FGD3: variants seen among roughly 807,000 people sequenced by gnomAD.
The protein encoded by FGD3 is FYVE, RhoGEF and PH domain-containing protein 3.
Under a neutral mutation model 71.8 loss-of-function variants are expected in FGD3, and 45 were observed. The ratio of observed to expected loss-of-function variants is 0.63; its 90% confidence interval spans 0.49 to 0.80. The LOEUF is 0.80. Among genes scored for constraint, FGD3 ranks in the 30% least tolerant of loss-of-function variants. FGD3 has a pLI of 0.00. For synonymous variants in FGD3, 378 were observed against 392.8 expected, an observed-to-expected ratio of 0.96 and a Z score of 0.44; for missense variants, 844 against 951.5, an observed-to-expected ratio of 0.89 and a Z score of 1.49.
At chr9:92,976,823 G>C (rs1287229782) in intron 3 of FGD3, 114 bp downstream of exon 3, 7 of 1,193,022 alleles carry the variant, frequency 5.9e-6, no homozygotes, top group Admixed American at 5.8e-5. Flanking sequence ...TGGCACACAG[G>C]CTCGTGCTGT....
At chr9:92,971,566 C>CTTTTTTTTTTTTTTTTTTTTTTTTTTTT (rs869043960) in intron 1 of FGD3, among the ~76,000 whole-genome samples, 1 of 39,570 alleles carries the variant, frequency 2.5e-5, no homozygotes. Context: ...CTTTTCTTTT[C>CTTTTTTTTTTTTTTTTTTTTTTTTTTTT]TTTTTTTTTT....
intron 3 of FGD3, among the ~76,000 whole-genome samples, chr9:93,001,206 G>A (rs936694570): frequency 6.6e-6 from 1 of 151,836 alleles, no homozygotes; most frequent in Non-Finnish European, 1.5e-5. Context: ...TTTTTTTAAA[G>A]TCATCTATCT....
chr9:93,031,975 C>T (rs909898057), intron 15 of FGD3, among the ~76,000 whole-genome samples: 1 of 152,100 alleles, frequency 6.6e-6, no homozygotes. Context: ...TGGGAGTGTC[C>T]AGGGTAGGAA....
chr9:93,022,368 A>T lies in FGD3; in HGVS notation c.1536A>T (p.Glu512Asp). 1 of 1,612,772 alleles carries T rather than the reference A, an allele frequency of 6.2e-7. No individual in the cohort carries two copies. The highest frequency in any genetic ancestry group is 8.5e-7 in the Non-Finnish European group (1 of 1,179,502). ...TSPVEPVVTT[E>D]GSSGAAGLEP... is the part of the protein sequence containing the mutation. ...CTGTGGAGCCTGTGGTGACCACCGA[A>T]GGCAGTTCGGGTGCAGCAGGGGTAA... The change falls in exon 14 of 18, where the codon GAA becomes GAT. Residue 512 changes from glutamate (E) to aspartate (D), a missense_variant. By Grantham distance (45) the Glu-to-Asp change is conservative (BLOSUM62 2). Coordinates refer to ENST00000375482, the MANE Select transcript of FGD3 (RefSeq NM_001083536.2).
intron 3 of FGD3, among the ~76,000 whole-genome samples, chr9:92,998,375 C>CT (rs1379310646): frequency 1.3e-5 from 2 of 152,082 alleles, no homozygotes; most frequent in Non-Finnish European, 2.9e-5. Context: ...TTCGTCTAAC[C>CT]TTTTTTCAAG....
chr9:92,990,225 C>T (rs2118642904), intron 3 of FGD3, among the ~76,000 whole-genome samples: 1 of 152,050 alleles, frequency 6.6e-6, no homozygotes, highest in East Asian at 1.9e-4. Flanking sequence ...ACTGCTTGAG[C>T]CAAGGAATTC....
intron 3 of FGD3, among the ~76,000 whole-genome samples, chr9:92,982,044 T>C (rs1860019081): frequency 6.6e-6 from 1 of 152,220 alleles, no homozygotes; most frequent in South Asian, 2.1e-4. Flanking sequence ...TTGTTAACAA[T>C]AGTCCTTCTA....
chr9:93,006,727 T>G (rs1445250841), intron 6 of FGD3, among the ~76,000 whole-genome samples: 2 of 151,988 alleles, frequency 1.3e-5, no homozygotes, highest in Non-Finnish European at 2.9e-5. Flanking sequence ...TTTATTTTTT[T>G]ATTTTATTTT....
At position 93,006,085 on chromosome 9, in the gene FGD3, G is replaced by C. The variant is rs375810720; in HGVS notation, c.742G>C (p.Gly248Arg). ...QKLAPFLKMY[G>R]EYVKNFDRAV... ...GCTGGCCCCATTCCTGAAGATGTAC[G>C]GCGAGTATGTCAAGAACTTTGACCG... is the stretch of plus-strand genomic sequence containing the variant. The change falls in exon 6 of 18, where the codon GGC (glycine) becomes CGC (arginine). Residue 248 changes from glycine to arginine, a missense_variant. Physicochemically the swap from Gly to Arg is moderately radical, Grantham distance 125 (BLOSUM62 -2). Coordinates refer to ENST00000375482, the MANE Select transcript of FGD3 (RefSeq NM_001083536.2). 4.0e-5 allele frequency: 64 copies of C among 1,613,202 alleles called. No homozygotes were observed. Among genetic ancestry groups the C allele is most frequent in the Non-Finnish European group, 5.2e-5 (61 of 1,179,688 alleles).
At chr9:92,963,702 A>T (rs2118524955) in intron 1 of FGD3, among the ~76,000 whole-genome samples, 1 of 152,324 alleles carries the variant, frequency 6.6e-6, no homozygotes, top group Non-Finnish European at 1.5e-5. Context: ...TGGTGTTATT[A>T]TTTATTGATT....
chr9:92,968,978 C>T (rs1305383750), intron 1 of FGD3, among the ~76,000 whole-genome samples: 3 of 152,216 alleles, frequency 2.0e-5, no homozygotes. Flanking sequence ...GCCTTGCTCA[C>T]TGTGGGTGGC....
intron 3 of FGD3, among the ~76,000 whole-genome samples, chr9:92,989,634 G>A (rs1263515767): frequency 6.6e-6 from 1 of 152,204 alleles, no homozygotes; most frequent in Non-Finnish European, 1.5e-5. Context: ...CTGGAGGGGA[G>A]AAAGGGAAGG....
In FGD3 at chr9:92,976,505, C is replaced by T; in HGVS notation, c.249C>T (p.Ser83=). The change falls in exon 3 of 18, where the codon TCC becomes TCT. Residue 83 remains serine, a synonymous_variant. Transcript: ENST00000375482. ...NRDSGIDSPS[S]SVAGENFPCE... Reference sequence around the variant, plus strand: ...ACAGCGGGATCGACAGTCCCTCCTCCAGTGTGGCTGGAGAGAACTTTCCCT... The same window carrying T: ...ACAGCGGGATCGACAGTCCCTCCTCTAGTGTGGCTGGAGAGAACTTTCCCT... 1.2e-6 allele frequency: 2 copies of T among 1,612,518 alleles called. No individual in the cohort carries two copies. Among genetic ancestry groups the T allele is most frequent in the Non-Finnish European group, 1.7e-6 (2 of 1,179,756 alleles).
At chr9:93,007,204 C>T (rs1196621466) in intron 6 of FGD3, among the ~76,000 whole-genome samples, 1 of 151,900 alleles carries the variant, frequency 6.6e-6, no homozygotes, top group African/African-American at 2.4e-5. Context: ...CATTCTCCTG[C>T]CTCAGCCTCC....
chr9:93,030,415 T>C (rs1232793092), intron 15 of FGD3, among the ~76,000 whole-genome samples: 6 of 152,132 alleles, frequency 3.9e-5, no homozygotes, highest in African/African-American at 1.4e-4. Context: ...GGTGGGCCCA[T>C]GTGATGAGGC....
At position 92,976,617 on chromosome 9, in the gene FGD3, A is replaced by T; in HGVS notation, c.361A>T (p.Thr121Ser). The part of the protein sequence containing the change: ...MALDSQVPKV[T>S]PQEEADSDVG... ...CCTGGACAGCCAGGTCCCGAAGGTC[A>T]CCCCCCAGGAGGAGGCGGACAGCGA... Residue 121 changes from threonine to serine, a missense_variant, in exon 3 of 18, where the codon ACC becomes TCC. Transcript: ENST00000375482. 1.2e-6 allele frequency: 2 copies of T among 1,612,540 alleles called. No homozygotes were observed. Among genetic ancestry groups the T allele is most frequent in the Non-Finnish European group, 1.7e-6 (2 of 1,179,848 alleles).
intron 1 of FGD3, among the ~76,000 whole-genome samples, chr9:92,948,968 G>T (rs1858904443): frequency 6.6e-6 from 1 of 152,186 alleles, no homozygotes; most frequent in South Asian, 2.1e-4. Flanking sequence ...GGACTCACTG[G>T]GCAGAGGTTG....
intron 1 of FGD3, among the ~76,000 whole-genome samples, chr9:92,973,494 A>C: frequency 6.6e-6 from 1 of 152,172 alleles, no homozygotes; most frequent in Non-Finnish European, 1.5e-5. Flanking sequence ...GTAGTTCTAT[A>C]AATATTTTTT....
At chr9:92,949,828 C>T (rs1858921025) in intron 1 of FGD3, among the ~76,000 whole-genome samples, 2 of 152,284 alleles carry the variant, frequency 1.3e-5, no homozygotes, top group South Asian at 4.1e-4. Flanking sequence ...CTTCTCCCAC[C>T]ACAACCCTCT....
Sources: gnomAD v4.1 joint callset for allele counts (sites outside exome capture counted in the v4.1 genomes callset) on GRCh38, gnomAD v4.1.1 for gene constraint, MANE v1.5 for transcripts, NCBI Gene and HGNC (gene_info 2026-07-23, HGNC 2026-07-21) for gene names.